The following MYO1B variants were observed in gnomAD, a reference collection of about 807,000 sequenced individuals.
MYO1B encodes unconventional myosin-Ib.
MYO1B carries 72 observed loss-of-function variants against 159.7 expected under a neutral mutation model. That is an observed-to-expected ratio of 0.45 (90% confidence interval 0.37 to 0.55). The LOEUF is 0.55. Ranked by LOEUF, MYO1B falls within the 20% of genes least tolerant of loss-of-function variation. The probability of loss-of-function intolerance (pLI) is 0.00; values close to 1 mark genes in which losing one functional copy is unlikely to be tolerated. For synonymous variants in MYO1B, 468 were observed against 473.8 expected (o/e 0.99, Z 0.16); for missense variants, 1,062 against 1,364.8 (o/e 0.78, Z 3.50).
At chr2:191,279,793 T>G (rs907934001) in intron 2 of MYO1B, among the ~76,000 whole-genome samples, 1 of 152,196 alleles carries the variant, frequency 6.6e-6, no homozygotes, top group African/African-American at 2.4e-5. Flanking sequence ...TAAGGTCTTA[T>G]AGCTTCATTT....
At position 191,386,762 on chromosome 2, in the gene MYO1B, AT is replaced by A. The variant is rs565969340; in HGVS notation, c.1555-454del. On this transcript the variant is annotated intron_variant, in intron 16 of 30. Transcript: ENST00000392318. Reference sequence around the variant, plus strand: ...TCAAAATGTTAGAACTTGGTACTTTATTTTTTTTATTAGCGTATATTATTAA... The same window carrying A: ...TCAAAATGTTAGAACTTGGTACTTTATTTTTTTATTAGCGTATATTATTAA... 4.5e-3 allele frequency among the ~76,000 whole-genome samples: 678 copies of A among 152,018 alleles called. 4 individuals are homozygous for A. Among genetic ancestry groups the A allele is most frequent in the African/African-American group, 0.015 (639 of 41,498 alleles).
At chr2:191,314,826 C>T (rs536354172) in intron 3 of MYO1B, among the ~76,000 whole-genome samples, 24 of 152,244 alleles carry the variant, frequency 1.6e-4, no homozygotes, top group African/African-American at 5.8e-4. Context: ...TGGGTTTTCG[C>T]AGGTGAGATG....
intron 3 of MYO1B, among the ~76,000 whole-genome samples, chr2:191,317,558 A>G (rs1320031030): frequency 3.9e-5 from 6 of 152,234 alleles, no homozygotes; most frequent in Non-Finnish European, 7.3e-5. Context: ...TACATGCACT[A>G]TGTTGATGTG....
intron 26 of MYO1B, among the ~76,000 whole-genome samples, 171 bp downstream of exon 26, chr2:191,409,349 T>A (rs1173371084): frequency 1.3e-5 from 2 of 152,252 alleles, no homozygotes; most frequent in Non-Finnish European, 2.9e-5. Context: ...CGAGAGCCCC[T>A]GCAGCGGCCC....
chr2:191,334,986 G>GAGTC (rs1449789991), intron 4 of MYO1B, among the ~76,000 whole-genome samples: 3 of 151,892 alleles, frequency 2.0e-5, no homozygotes, highest in Non-Finnish European at 4.4e-5. Context: ...GACCAACTTG[G>GAGTC]AGTCGTGCTG....
Position 191,387,425 on chromosome 2 carries a change from C to T in MYO1B, c.1756C>T (p.Gln586Ter). Reference sequence around the variant, plus strand: ...CGTGGCCACTCTGATGAAAAACCTACAGACCAAGAACCCAAACTATATTAG... The same window carrying T: ...CGTGGCCACTCTGATGAAAAACCTATAGACCAAGAACCCAAACTATATTAG... Reference protein sequence around the residue: ...ASVATLMKNLQTKNPNYIRCI... With the variant: ...ASVATLMKNL Residue 586 changes from glutamine (Q) to a stop codon, truncating the protein, a stop_gained, in exon 17 of 31, where the codon CAG becomes TAG. Transcript: ENST00000392318. LOFTEE classifies it high-confidence loss of function. The T allele has an allele frequency of 6.2e-7, 1 of 1,614,178 alleles. No homozygotes were observed. Among genetic ancestry groups the T allele is most frequent in the Non-Finnish European group, 8.5e-7 (1 of 1,180,026 alleles).
intron 13 of MYO1B, among the ~76,000 whole-genome samples, chr2:191,370,567 T>C (rs565377219): frequency 1.4e-4 from 22 of 152,238 alleles, no homozygotes; most frequent in Non-Finnish European, 2.6e-4. Flanking sequence ...GAGACAGTAC[T>C]GCTTAAAAAG....
At chr2:191,284,576 C>T (rs752349484) in intron 2 of MYO1B, among the ~76,000 whole-genome samples, 3 of 152,048 alleles carry the variant, frequency 2.0e-5, no homozygotes, top group Non-Finnish European at 4.4e-5. Context: ...GTAGGTGCCC[C>T]GACTGTCTGA....
At chr2:191,393,585 G>T (rs1695894997) in intron 20 of MYO1B, among the ~76,000 whole-genome samples, 1 of 152,110 alleles carries the variant, frequency 6.6e-6, no homozygotes, top group Admixed American at 6.5e-5. Flanking sequence ...TTTTGATTTG[G>T]TTGGGCTAGT....
At chr2:191,350,272 AC>A in intron 7 of MYO1B, 47 bp downstream of exon 7, 1 of 1,379,006 alleles carries the variant, frequency 7.3e-7, no homozygotes, top group South Asian at 1.2e-5. Flanking sequence ...GAATACTAAA[AC>A]ATATATTTAT....
rs748716378 is a variant in MYO1B at position 191,296,064 on chromosome 2, C to G, written c.136-47C>G. 7.2e-6 allele frequency: 8 copies of G among 1,115,998 alleles called. No homozygotes were observed. In the African/African-American group the frequency reaches 1.1e-4, roughly 15 times the overall value. 69.1% of individuals were successfully genotyped at this position (1,115,998 alleles called of 1,614,324 possible). ...CACTAAAGCTTAAGACGTTAAAATACATTTTGTGTACTAACTAATGGGCAT... is the reference window on the plus strand; with the variant it reads ...CACTAAAGCTTAAGACGTTAAAATAGATTTTGTGTACTAACTAATGGGCAT... On this transcript the variant is annotated intron_variant, in intron 2 of 30. Coordinates refer to ENST00000392318, the MANE Select transcript of MYO1B (RefSeq NM_001130158.3).
intron 3 of MYO1B, among the ~76,000 whole-genome samples, chr2:191,326,585 C>T (rs1279194324): frequency 6.6e-6 from 1 of 152,062 alleles, no homozygotes; most frequent in Admixed American, 6.6e-5. Context: ...TCCCTTTTAG[C>T]CTTTGTCTTC....
intron 7 of MYO1B, among the ~76,000 whole-genome samples, chr2:191,357,256 G>C (rs1482030574): frequency 6.6e-5 from 10 of 152,162 alleles, no homozygotes; most frequent in African/African-American, 2.4e-4. Context: ...TGTGCCTTGG[G>C]GAGGCTGTCT....
At chr2:191,249,478 A>G (rs545025615) in intron 1 of MYO1B, among the ~76,000 whole-genome samples, 3 of 152,332 alleles carry the variant, frequency 2.0e-5, no homozygotes, top group Non-Finnish European at 4.4e-5. Flanking sequence ...CCTTCCCCAC[A>G]GGGGAAGTGA....
rs776880821 is a variant in MYO1B at position 191,400,737 on chromosome 2, A to G, written c.2383-12A>G. Reference sequence around the variant, plus strand: ...TAAACTTTTCTGTAACTCCTTTTCAAATGCATCACAGGCACGAAGGGAACT... The same window carrying G: ...TAAACTTTTCTGTAACTCCTTTTCAGATGCATCACAGGCACGAAGGGAACT... On this transcript the variant is annotated splice_polypyrimidine_tract_variant and intron_variant, in intron 22 of 30. Transcript: ENST00000392318. 2 of 1,613,060 alleles carry G rather than the reference A, an allele frequency of 1.2e-6. No homozygotes were observed. The highest frequency in any genetic ancestry group is 2.7e-5 in the African/African-American group (2 of 74,878).
At chr2:191,398,560 C>T (rs1337121763) in intron 21 of MYO1B, among the ~76,000 whole-genome samples, 31 of 150,114 alleles carry the variant, frequency 2.1e-4, no homozygotes, top group African/African-American at 4.9e-4. Flanking sequence ...ACGGGGCGGC[C>T]GGGCAGAGAC....
intron 13 of MYO1B, among the ~76,000 whole-genome samples, chr2:191,373,525 CA>C (rs1188854162): frequency 1.3e-5 from 2 of 152,200 alleles, no homozygotes; most frequent in Non-Finnish European, 2.9e-5. Context: ...CTTGTTATCC[CA>C]GCACTTTGGG....
At chr2:191,374,358 A>G (rs765651441) in intron 13 of MYO1B, among the ~76,000 whole-genome samples, 13 of 152,196 alleles carry the variant, frequency 8.5e-5, no homozygotes, top group East Asian at 3.8e-4. Context: ...TTGTTCTTCA[A>G]TTGACTGTAG....
intron 1 of MYO1B, chr2:191,246,067 G>T (rs1238642315): frequency 6.6e-6 from 1 of 152,480 alleles, no homozygotes; most frequent in African/African-American, 2.4e-5. Context: ...GGGCGTCCTG[G>T]GGAGTGGGGT....
Sources: allele counts gnomAD v4.1 joint callset (sites outside exome capture counted in the v4.1 genomes callset), GRCh38; gene constraint gnomAD v4.1.1; transcripts MANE v1.5; gene names NCBI Gene and HGNC (gene_info 2026-07-23, HGNC 2026-07-21).